Variants in VSTM4 observed in about 807,000 individuals in gnomAD.
VSTM4 encodes the protein V-set and transmembrane domain-containing protein 4.
A neutral mutation model predicts 36.4 loss-of-function variants in VSTM4; 20 were observed. The observed-to-expected ratio is 0.55, with a 90% CI of 0.39 to 0.80. The LOEUF is 0.80. Ranked by LOEUF, VSTM4 falls within the 30% of genes least tolerant of loss-of-function variation. VSTM4 has a pLI of 0.00. For missense variants in VSTM4, 392 were observed against 404.5 expected (o/e 0.97, Z 0.26); for synonymous variants, 182 against 173.9 (o/e 1.05, Z -0.37).
intron 7 of VSTM4, among the ~76,000 whole-genome samples, chr10:49,039,003 C>T (rs147249218): frequency 1.4e-3 from 211 of 152,178 alleles, no homozygotes; most frequent in African/African-American, 4.2e-3. Flanking sequence ...CAAAGGTGGG[C>T]GGACCATGAG....
chr10:49,081,505 C>T (rs1590114682), intron 3 of VSTM4, among the ~76,000 whole-genome samples: 2 of 152,180 alleles, frequency 1.3e-5, no homozygotes, highest in South Asian at 2.1e-4. Context: ...AGGTAAGAAC[C>T]GCAGTAGGCA....
At chr10:49,038,724 G>C (rs1843471543) in intron 7 of VSTM4, among the ~76,000 whole-genome samples, 1 of 152,174 alleles carries the variant, frequency 6.6e-6, no homozygotes, top group Non-Finnish European at 1.5e-5. Context: ...TGGCGGATTT[G>C]AGGTGCCTGT....
Position 49,070,201 on chromosome 10 carries a change from C to T in VSTM4, c.635-5465G>A, listed in dbSNP as rs866000846. ...CCGGGAGGCGGAGCTTGCAGTGAGC[C>T]GAGATCCCGCCACTGCACTCCAGCC... On this transcript the variant is annotated intron_variant, in intron 4 of 7. Transcript: ENST00000332853. Among the ~76,000 whole-genome samples the T allele has an allele frequency of 7.2e-5, 4 of 55,734 alleles. 2 individuals carry two copies. The highest frequency in any genetic ancestry group is 4.4e-4 in the Admixed American group (2 of 4,532). 36.6% of individuals were successfully genotyped at this position (55,734 alleles called of 152,430 possible). A position where few individuals can be genotyped will look rare whatever the true frequency, so the allele number is the denominator to read the frequency against.
intron 2 of VSTM4, among the ~76,000 whole-genome samples, chr10:49,087,954 AAT>A (rs1055460882): frequency 7.3e-5 from 10 of 136,214 alleles, no homozygotes; most frequent in East Asian, 1.9e-4. Context: ...ATACATATGT[AAT>A]ATATATGTGT....
At chr10:49,077,177 G>C (rs778348140) in intron 4 of VSTM4, 42 bp downstream of exon 4, 5 of 1,591,396 alleles carry the variant, frequency 3.1e-6, no homozygotes, top group Non-Finnish European at 4.3e-6. Context: ...CTGTGGTCGG[G>C]GTGTGCTCCC....
intron 7 of VSTM4, among the ~76,000 whole-genome samples, chr10:49,025,730 C>T (rs1843250211): frequency 6.6e-6 from 1 of 152,232 alleles, no homozygotes; most frequent in Non-Finnish European, 1.5e-5. Context: ...AGCAATGCAC[C>T]TGGCTACCAA....
At chr10:49,115,004 T>G (rs1844965397) in intron 1 of VSTM4, among the ~76,000 whole-genome samples, 1 of 152,126 alleles carries the variant, frequency 6.6e-6, no homozygotes, top group Admixed American at 6.5e-5. Flanking sequence ...TGACTTGTCT[T>G]CGGAGTAACT....
At chr10:49,098,540 C>T (rs1168144619) in intron 2 of VSTM4, among the ~76,000 whole-genome samples, 4 of 152,238 alleles carry the variant, frequency 2.6e-5, no homozygotes, top group Non-Finnish European at 4.4e-5. Context: ...ATCTGATTCC[C>T]CCCAGATCCA....
Position 49,086,113 on chromosome 10 carries a change from T to G in VSTM4, c.458-90A>C, listed in dbSNP as rs560323369. The G allele has an allele frequency of 1.0e-5, 8 of 798,080 alleles. No individual in the cohort carries two copies. The South Asian group carries it at 1.4e-4, about 14-fold the overall frequency. The allele number at this position is 798,080 out of a possible 1,614,324, so 49.4% of individuals were successfully genotyped here. A position where few individuals can be genotyped will look rare whatever the true frequency, so the allele number is the denominator to read the frequency against. On this transcript the variant is annotated intron_variant, in intron 2 of 7. Transcript: ENST00000332853. ...ACATTTACAAAGCAATTTCTACATT[T>G]GCAAAACCACATTTAGTTGTCAAAA...
At chr10:49,104,313 C>T (rs1204558079) in intron 2 of VSTM4, among the ~76,000 whole-genome samples, 1 of 152,028 alleles carries the variant, frequency 6.6e-6, no homozygotes, top group East Asian at 1.9e-4. Context: ...AAAACAACAA[C>T]AACAACTATG....
At chr10:49,076,533 A>T (rs1844181454) in intron 4 of VSTM4, among the ~76,000 whole-genome samples, 1 of 152,224 alleles carries the variant, frequency 6.6e-6, no homozygotes, top group African/African-American at 2.4e-5. Context: ...AGCAGGATGC[A>T]GGGAGAGGCT....
intron 2 of VSTM4, among the ~76,000 whole-genome samples, chr10:49,089,482 C>A (rs1844433023): frequency 6.6e-6 from 1 of 152,154 alleles, no homozygotes; most frequent in African/African-American, 2.4e-5. Flanking sequence ...TTGATTTAAT[C>A]CAATTACAGT....
intron 7 of VSTM4, among the ~76,000 whole-genome samples, chr10:49,046,622 C>G (rs1235023180): frequency 2.0e-5 from 3 of 152,192 alleles, no homozygotes; most frequent in Non-Finnish European, 4.4e-5. Flanking sequence ...TGTTCAAAAT[C>G]AAAAGCTATG....
chr10:49,050,430 A>G (rs1830772991), intron 5 of VSTM4, among the ~76,000 whole-genome samples: 1 of 152,228 alleles, frequency 6.6e-6, no homozygotes, highest in Non-Finnish European at 1.5e-5. Flanking sequence ...GGCTATTCTA[A>G]TAATAGTCCT....
rs900808777 is a variant in VSTM4 at position 49,103,689 on chromosome 10, C to A, written c.457+3905G>T. 31 of 1,602,248 alleles carry A rather than the reference C, an allele frequency of 1.9e-5. No homozygotes were observed. In the African/African-American group the frequency reaches 3.4e-4, roughly 17 times the overall value. On this transcript the variant is annotated intron_variant, in intron 2 of 7. Coordinates refer to ENST00000332853, the MANE Select transcript of VSTM4 (RefSeq NM_001031746.5). ...CAGGGAAATGAGGAGAGACCAGGCA[C>A]CAGCCTTTCTTTCTGGGAGTTTCCA...
chr10:49,091,693 C>A (rs998001711), intron 2 of VSTM4, among the ~76,000 whole-genome samples: 1 of 152,130 alleles, frequency 6.6e-6, no homozygotes, highest in Non-Finnish European at 1.5e-5. Context: ...CTTTCGGGGT[C>A]CCCCATTCAC....
rs1189232150 is a variant in VSTM4, at chr10:49,107,974, A to C, written c.77T>G (p.Val26Gly). ...AACCACGGGCCCCGGGGACACAGTG[A>C]CATTGAGGGCCGCACAGACCTCTGC... is the stretch of plus-strand genomic sequence containing the variant. Reference protein sequence around the residue: ...PAPEVCAALNVTVSPGPVVDY... With the variant: ...PAPEVCAALNGTVSPGPVVDY... The change falls in exon 2 of 8, where the codon GTC becomes GGC. Residue 26 changes from valine to glycine, a missense_variant. Coordinates refer to ENST00000332853, the MANE Select transcript of VSTM4 (RefSeq NM_001031746.5). The C allele has an allele frequency of 3.8e-6, 6 of 1,591,094 alleles. No homozygotes were observed. The highest frequency in any genetic ancestry group is 5.1e-6 in the Non-Finnish European group (6 of 1,167,882).
chr10:49,083,898 C>T (rs1334930516), intron 3 of VSTM4, among the ~76,000 whole-genome samples: 1 of 152,206 alleles, frequency 6.6e-6, no homozygotes, highest in Non-Finnish European at 1.5e-5. Context: ...CTGATCCCTT[C>T]CTAATGTTAT....
In VSTM4 at chr10:49,017,107, T is replaced by G. The variant is rs1464312825; in HGVS notation, c.*2543A>C. The G allele has an allele frequency of 6.6e-6, 1 of 152,266 alleles. No homozygotes were observed. The highest frequency in any genetic ancestry group is 2.4e-5 in the African/African-American group (1 of 41,472). The allele number at this position is 152,266 out of a possible 1,614,324, so 9.4% of individuals were successfully genotyped here. On this transcript the variant is annotated 3_prime_UTR_variant, in exon 8 of 8. Coordinates refer to ENST00000332853, the MANE Select transcript of VSTM4 (RefSeq NM_001031746.5). ...TGACAAACTTTCCCTAATTTCTATT[T>G]CAATGATATGTGATATGTTTCCCCT...
Sources: gnomAD v4.1 joint callset for allele counts (sites outside exome capture counted in the v4.1 genomes callset) on GRCh38, gnomAD v4.1.1 for gene constraint, MANE v1.5 for transcripts, NCBI Gene and HGNC (gene_info 2026-07-23, HGNC 2026-07-21) for gene names.